The following LRRFIP2 variants were observed in gnomAD, a reference collection of about 807,000 sequenced individuals.
LRRFIP2 encodes the protein LRR binding FLII interacting protein 2, also known as leucine-rich repeat flightless-interacting protein 2.
Under a neutral mutation model 125.9 loss-of-function variants are expected in LRRFIP2, and 109 were observed. The ratio of observed to expected loss-of-function variants is 0.87; its 90% CI spans 0.74 to 1.01. LRRFIP2 has a LOEUF of 1.01. Ranked by LOEUF, LRRFIP2 falls within the 50% of genes least tolerant of loss-of-function variation. The pLI, the probability that LRRFIP2 is intolerant of heterozygous loss-of-function variation, is 0.00. For missense variants in LRRFIP2, 850 were observed against 862.3 expected (o/e 0.99, Z 0.18); for synonymous variants, 291 against 293.1 (o/e 0.99, Z 0.07).
intron 1 of LRRFIP2, among the ~76,000 whole-genome samples, chr3:37,162,764 G>A (rs560666679): frequency 3.9e-5 from 6 of 152,302 alleles, no homozygotes; most frequent in African/African-American, 1.2e-4. Context: ...TGACTCAAGA[G>A]ACATAATGAA....
intron 1 of LRRFIP2, chr3:37,172,838 A>G (rs1043126937): frequency 2.6e-5 from 4 of 152,218 alleles, no homozygotes; most frequent in Non-Finnish European, 4.4e-5. Flanking sequence ...ATAATTTATT[A>G]TAAGCCAAAA....
chr3:37,098,387 TC>T, intron 15 of LRRFIP2, among the ~76,000 whole-genome samples: 1 of 150,596 alleles, frequency 6.6e-6, no homozygotes, highest in East Asian at 1.9e-4. Flanking sequence ...TAATTTTTTT[TC>T]TTTTTTTTCT....
At chr3:37,067,625 G>A (rs568189007) in intron 21 of LRRFIP2, 1 of 152,298 alleles carries the variant, frequency 6.6e-6, no homozygotes, top group Middle Eastern at 3.4e-3. Flanking sequence ...ACCAAATAGG[G>A]AGCAAGTAAA....
At chr3:37,132,827 A>G (rs2095461726) in intron 2 of LRRFIP2, among the ~76,000 whole-genome samples, 1 of 152,242 alleles carries the variant, frequency 6.6e-6, no homozygotes, top group Non-Finnish European at 1.5e-5. Flanking sequence ...TTTACCTCAG[A>G]ATACAATCAG....
chr3:37,120,202 G>A (rs540862116), intron 6 of LRRFIP2, among the ~76,000 whole-genome samples: 3 of 150,380 alleles, frequency 2.0e-5, no homozygotes, highest in Non-Finnish European at 4.4e-5. Context: ...CGCCTTCCAG[G>A]TTCAAGCAAT....
At chr3:37,098,388 C>CTTTTTTTTT (rs200770177) in intron 15 of LRRFIP2, among the ~76,000 whole-genome samples, 1 of 142,946 alleles carries the variant, frequency 7.0e-6, no homozygotes, top group African/African-American at 2.5e-5. Context: ...AATTTTTTTT[C>CTTTTTTTTT]TTTTTTTTCT....
At chr3:37,057,485 C>G (rs2087212850) in intron 25 of LRRFIP2, among the ~76,000 whole-genome samples, 1 of 151,992 alleles carries the variant, frequency 6.6e-6, no homozygotes, top group Admixed American at 6.6e-5. Flanking sequence ...AAGATAATAC[C>G]AATATCAAAA....
intron 15 of LRRFIP2, among the ~76,000 whole-genome samples, chr3:37,099,101 A>G (rs899556072): frequency 6.6e-6 from 1 of 152,320 alleles, no homozygotes; most frequent in East Asian, 1.9e-4. Flanking sequence ...TCGCAACCCA[A>G]ACTGATCATG....
intron 4 of LRRFIP2, among the ~76,000 whole-genome samples, chr3:37,122,162 G>C (rs570606626): frequency 1.3e-4 from 18 of 143,942 alleles, no homozygotes; most frequent in African/African-American, 4.7e-4. Flanking sequence ...GTGAGAACAC[G>C]CGGCGTTTGG....
intron 15 of LRRFIP2, among the ~76,000 whole-genome samples, chr3:37,100,960 T>G (rs2094005655): frequency 6.6e-6 from 1 of 152,186 alleles, no homozygotes; most frequent in Non-Finnish European, 1.5e-5. Flanking sequence ...TAAAATTATC[T>G]TCTAGAATTA....
intron 18 of LRRFIP2, among the ~76,000 whole-genome samples, chr3:37,088,624 C>A (rs1327147528): frequency 6.6e-6 from 1 of 151,056 alleles, no homozygotes; most frequent in African/African-American, 2.4e-5. Context: ...CCATCCTGGG[C>A]AGCATAGCAA....
Position 37,148,997 on chromosome 3 carries a change from T to C in LRRFIP2, c.-14A>G, listed in dbSNP as rs374408969. The stretch of plus-strand genomic sequence containing the variant: ...AGGAGTCCCCATCTTGTGTTCTTAA[T>C]AGTCTTTTAACTTTGAAAGTGATTT... On this transcript the variant is annotated 5_prime_UTR_variant, in exon 2 of 28. Coordinates refer to ENST00000336686, the MANE Select transcript of LRRFIP2 (RefSeq NM_006309.4). 5 of 1,613,574 alleles carry C rather than the reference T, an allele frequency of 3.1e-6. No homozygotes were observed. Among genetic ancestry groups the C allele is most frequent in the South Asian group, 1.1e-5 (1 of 90,982 alleles).
At position 37,109,653 on chromosome 3, in the gene LRRFIP2, C is replaced by G. The variant is rs768965004; in HGVS notation, c.564G>C (p.Arg188Ser). ...SDPLATYKSD[R>S]ASPTANSGLL... ...AGAACATTCCTCAGAAAGTACTAAC[C>G]CTGTCACTCTTATATGTTGCCAGAG... Residue 188 changes from arginine to serine, a missense_variant and splice_region_variant, in exon 10 of 28, where the codon AGG (arginine) becomes AGC (serine). Arg to Ser is a moderately radical substitution (Grantham distance 110). Transcript: ENST00000336686. 4 of 1,613,846 alleles carry G rather than the reference C, an allele frequency of 2.5e-6. No homozygotes were observed. The highest frequency in any genetic ancestry group is 2.2e-5 in the South Asian group (2 of 91,078).
chr3:37,069,532 G>T (rs1317306402), intron 21 of LRRFIP2, among the ~76,000 whole-genome samples: 2 of 152,160 alleles, frequency 1.3e-5, no homozygotes, highest in Non-Finnish European at 1.5e-5. Flanking sequence ...AAGGTGGAAT[G>T]GTAGTTGCCA....
chr3:37,145,340 CA>C (rs2095830112), intron 2 of LRRFIP2, among the ~76,000 whole-genome samples: 1 of 152,064 alleles, frequency 6.6e-6, no homozygotes, highest in African/African-American at 2.4e-5. Context: ...ACCCAATAAA[CA>C]GTATACAAAA....
rs904193089 is a variant in LRRFIP2, at chr3:37,162,288, G to C, written c.-56+12251C>G. ...GCCCAGAGTGTTCAACACAAGTCCT[G>C]AGTTCACACCAAGGTATATCTTAGT... is the stretch of plus-strand genomic sequence containing the variant. On this transcript the variant is annotated intron_variant, in intron 1 of 27. Transcript: ENST00000336686. 2.0e-5 allele frequency among the ~76,000 whole-genome samples: 3 copies of C among 152,122 alleles called. No individual in the cohort carries two copies. The East Asian group carries it at 5.8e-4, about 29-fold the overall frequency.
chr3:37,146,265 G>T (rs148500713), intron 2 of LRRFIP2, among the ~76,000 whole-genome samples: 2 of 152,048 alleles, frequency 1.3e-5, no homozygotes, highest in Non-Finnish European at 2.9e-5. Flanking sequence ...CTGTAGAGTC[G>T]TATCTACGTT....
At chr3:37,068,098 T>C (rs1014990571) in intron 21 of LRRFIP2, 1 of 152,250 alleles carries the variant, frequency 6.6e-6, no homozygotes, top group African/African-American at 2.4e-5. Context: ...TCTAGCACCA[T>C]CTAGCTAGTG....
At chr3:37,128,891 A>G (rs536891407) in intron 3 of LRRFIP2, among the ~76,000 whole-genome samples, 172 bp downstream of exon 3, 46 of 152,242 alleles carry the variant, frequency 3.0e-4, no homozygotes, top group Non-Finnish European at 5.0e-4. Context: ...GTTACTACTT[A>G]AAACAAATAT....
Sources: allele counts gnomAD v4.1 joint callset (sites outside exome capture counted in the v4.1 genomes callset), GRCh38; gene constraint gnomAD v4.1.1; transcripts MANE v1.5; gene names NCBI Gene and HGNC (gene_info 2026-07-23, HGNC 2026-07-21).